The following FAM216A variants were observed in gnomAD, a reference collection of about 807,000 sequenced individuals.
The protein encoded by FAM216A is protein FAM216A.
Under a neutral mutation model 37.6 loss-of-function variants are expected in FAM216A, and 26 were observed. The ratio of observed to expected loss-of-function variants is 0.69; its 90% CI spans 0.51 to 0.96. The LOEUF is 0.96. Among genes scored for constraint, FAM216A ranks in the 40% least tolerant of loss-of-function variants. FAM216A has a pLI of 0.00. For missense variants in FAM216A, 326 were observed against 339.3 expected (o/e 0.96, Z 0.31); for synonymous variants, 110 against 121.7 (o/e 0.90, Z 0.64).
chr12:110,479,829 T>C (rs931687057), intron 2 of FAM216A, among the ~76,000 whole-genome samples: 1 of 150,236 alleles, frequency 6.7e-6, no homozygotes, highest in Non-Finnish European at 1.5e-5. Context: ...AGAGCAAGGC[T>C]CCATCTAAAA....
intron 2 of FAM216A, among the ~76,000 whole-genome samples, chr12:110,481,895 T>C (rs2062749134): frequency 6.6e-6 from 1 of 152,194 alleles, no homozygotes; most frequent in African/African-American, 2.4e-5. Flanking sequence ...TAAGTTATGT[T>C]TCAAGGGTCA....
upstream of FAM216A, chr12:110,468,604 G>A (rs1437399815): frequency 6.5e-7 from 1 of 1,537,086 alleles, no homozygotes; most frequent in African/African-American, 1.4e-5. Flanking sequence ...CTGGAATACT[G>A]AAGTGGAAGG....
upstream of FAM216A, chr12:110,468,661 T>A: frequency 6.5e-7 from 1 of 1,536,854 alleles, no homozygotes; most frequent in Non-Finnish European, 8.7e-7. Context: ...TGTGACGCAC[T>A]GCTTCCACAG....
chr12:110,471,245 C>T (rs369731757), intron 1 of FAM216A, among the ~76,000 whole-genome samples: 12 of 152,072 alleles, frequency 7.9e-5, no homozygotes, highest in African/African-American at 2.7e-4. Flanking sequence ...CGTGCCACTA[C>T]GCCTGGCTAA....
At position 110,485,186 on chromosome 12, in the gene FAM216A, C is replaced by A; in HGVS notation, c.293C>A (p.Ala98Glu). ...TIHLSKSMME[A>E]SFFKHPDLTT... ...CACCTCTCTAAATCAATGATGGAGG[C>A]GTCCTTTTTCAAGGTATGCTAACAG... is the stretch of plus-strand genomic sequence containing the variant. The change falls in exon 3 of 7, where the codon GCG becomes GAG. Residue 98 changes from alanine (A) to glutamate (E), a missense_variant. Ala to Glu is a moderately radical substitution (Grantham distance 107, BLOSUM62 -1). Coordinates refer to ENST00000377673, the MANE Select transcript of FAM216A (RefSeq NM_013300.3). 1 of 1,608,278 alleles carries A rather than the reference C, an allele frequency of 6.2e-7. No homozygotes were observed. The highest frequency in any genetic ancestry group is 8.5e-7 in the Non-Finnish European group (1 of 1,178,468).
At chr12:110,478,419 G>A (rs1487985679) in intron 2 of FAM216A, among the ~76,000 whole-genome samples, 2 of 152,114 alleles carry the variant, frequency 1.3e-5, no homozygotes, top group African/African-American at 4.8e-5. Context: ...CATGGCAGGA[G>A]CAATTTTGCA....
At chr12:110,469,465 C>G (rs2062666327) in intron 1 of FAM216A, among the ~76,000 whole-genome samples, 1 of 152,144 alleles carries the variant, frequency 6.6e-6, no homozygotes, top group Non-Finnish European at 1.5e-5. Context: ...TGACATGAGC[C>G]ACCTTCCTGT....
At chr12:110,488,437 A>G (rs1436879238) in intron 6 of FAM216A, among the ~76,000 whole-genome samples, 1 of 151,722 alleles carries the variant, frequency 6.6e-6, no homozygotes, top group Admixed American at 6.6e-5. Flanking sequence ...AGAAAAGAAA[A>G]GAAAAAAAGA....
At chr12:110,468,675 GGTGCAAAC>G, upstream of FAM216A, 1 of 1,533,898 alleles carries the variant, frequency 6.5e-7, no homozygotes, top group Non-Finnish European at 8.7e-7. Context: ...TCCACAGAGA[GGTGCAAAC>G]GTGCAAACGC....
chr12:110,485,760 C>T (rs1167681407), intron 3 of FAM216A, among the ~76,000 whole-genome samples: 4 of 152,102 alleles, frequency 2.6e-5, no homozygotes, highest in Admixed American at 2.6e-4. Context: ...ACCATGTATT[C>T]AGTAAAGTAA....
chr12:110,485,672 T>C (rs1488177320), intron 3 of FAM216A, among the ~76,000 whole-genome samples: 1 of 152,208 alleles, frequency 6.6e-6, no homozygotes, highest in African/African-American at 2.4e-5. Flanking sequence ...CCATTAACGA[T>C]CGTAACTGCT....
intron 2 of FAM216A, among the ~76,000 whole-genome samples, chr12:110,474,907 G>A (rs911795712): frequency 3.3e-5 from 5 of 151,476 alleles, no homozygotes; most frequent in African/African-American, 9.7e-5. Flanking sequence ...CAGGAGAATC[G>A]CTTGAACCTG....
At chr12:110,488,087 CATAAAAT>C in intron 6 of FAM216A, 144 bp downstream of exon 6, 2 of 622,554 alleles carry the variant, frequency 3.2e-6, no homozygotes, top group Non-Finnish European at 5.6e-6. Context: ...AAAAACCAAA[CATAAAAT>C]ATAGTTTATG....
intron 1 of FAM216A, 88 bp downstream of exon 1, chr12:110,469,106 T>C (rs2062661862): frequency 1.5e-6 from 2 of 1,306,222 alleles, no homozygotes; most frequent in East Asian, 6.1e-5. Context: ...GGAGGAGGGC[T>C]GCGGCCGACC....
At chr12:110,485,983 A>C (rs2062774633) in intron 3 of FAM216A, among the ~76,000 whole-genome samples, 2 of 152,238 alleles carry the variant, frequency 1.3e-5, no homozygotes. Context: ...GTACCATGTT[A>C]TACCTCAAAA....
chr12:110,486,485 GT>G, intron 4 of FAM216A, 31 bp downstream of exon 4: 4 of 1,607,680 alleles, frequency 2.5e-6, no homozygotes, highest in Non-Finnish European at 3.4e-6. Flanking sequence ...CTTTTCACTA[GT>G]TTTTACAATT....
At chr12:110,488,927 G>A (rs1223142330) in intron 6 of FAM216A, among the ~76,000 whole-genome samples, 1 of 152,124 alleles carries the variant, frequency 6.6e-6, no homozygotes, top group Non-Finnish European at 1.5e-5. Flanking sequence ...GCAAGACTGT[G>A]GATAAGGAGG....
chr12:110,472,100 C>T (rs750329898), intron 1 of FAM216A, among the ~76,000 whole-genome samples: 4 of 151,938 alleles, frequency 2.6e-5, no homozygotes, highest in Admixed American at 1.3e-4. Flanking sequence ...GGCGTGGTGG[C>T]GGGCACCTGT....
intron 1 of FAM216A, among the ~76,000 whole-genome samples, chr12:110,471,710 A>G (rs2062687821): frequency 6.6e-6 from 1 of 152,192 alleles, no homozygotes. Flanking sequence ...ATACAAGAAA[A>G]CGATATGGTG....
Sources: allele counts gnomAD v4.1 joint callset (sites outside exome capture counted in the v4.1 genomes callset), GRCh38; gene constraint gnomAD v4.1.1; transcripts MANE v1.5; gene names NCBI Gene and HGNC (gene_info 2026-07-23, HGNC 2026-07-21).